Variants in SBF2 observed in about 807,000 individuals in gnomAD.
The protein encoded by SBF2 is SET binding factor 2.
In SBF2, 112 loss-of-function variants were observed where a neutral mutation model predicts 225.2. The ratio of observed to expected loss-of-function variants is 0.50; its 90% CI spans 0.43 to 0.58. The LOEUF is 0.58. Among genes scored for constraint, SBF2 ranks in the 20% least tolerant of loss-of-function variants. The pLI is 0.00. For synonymous variants in SBF2, 763 were observed against 773.3 expected (o/e 0.99, Z 0.22); for missense variants, 1,996 against 2,206.2 (o/e 0.90, Z 1.91).
intron 1 of SBF2, among the ~76,000 whole-genome samples, chr11:10,247,093 G>A (rs1265828265): frequency 1.3e-5 from 2 of 152,048 alleles, no homozygotes; most frequent in African/African-American, 4.8e-5. Context: ...AAAAAGGGAA[G>A]ACAGAAATCA....
chr11:10,169,541 T>C (rs555270708), intron 2 of SBF2, among the ~76,000 whole-genome samples: 24 of 152,316 alleles, frequency 1.6e-4, no homozygotes, highest in African/African-American at 5.1e-4. Context: ...GAATACTCCA[T>C]TGTGTATATT....
chr11:9,986,600 T>C (rs1947206078), intron 13 of SBF2, among the ~76,000 whole-genome samples: 1 of 152,110 alleles, frequency 6.6e-6, no homozygotes, highest in Non-Finnish European at 1.5e-5. Context: ...AAACTGGAGA[T>C]ATTACACCTG....
intron 1 of SBF2, among the ~76,000 whole-genome samples, chr11:10,290,981 G>T (rs1331284906): frequency 6.6e-6 from 1 of 152,158 alleles, no homozygotes; most frequent in Non-Finnish European, 1.5e-5. Context: ...CCAAGGCATG[G>T]AAAGTACAAG....
chr11:10,080,460 AG>A, intron 2 of SBF2, among the ~76,000 whole-genome samples: 1 of 152,132 alleles, frequency 6.6e-6, no homozygotes, highest in South Asian at 2.1e-4. Context: ...TAAAACTCAC[AG>A]GTCTTATAAA....
chr11:10,018,967 G>A (rs1948746902), intron 6 of SBF2, among the ~76,000 whole-genome samples: 1 of 152,068 alleles, frequency 6.6e-6, no homozygotes, highest in African/African-American at 2.4e-5. Flanking sequence ...CTTCTAGAAT[G>A]CCCTTATTTT....
intron 2 of SBF2, among the ~76,000 whole-genome samples, chr11:10,187,282 C>T (rs978277725): frequency 1.3e-5 from 2 of 150,696 alleles, no homozygotes; most frequent in African/African-American, 4.9e-5. Context: ...TCTCTCTCCT[C>T]TCTCTCTCTC....
intron 1 of SBF2, among the ~76,000 whole-genome samples, chr11:10,277,894 A>G (rs1963091552): frequency 6.6e-6 from 1 of 152,196 alleles, no homozygotes; most frequent in Admixed American, 6.5e-5. Context: ...TCAGACTTCT[A>G]GTCTCCAGAA....
intron 2 of SBF2, among the ~76,000 whole-genome samples, chr11:10,171,649 C>T (rs1956192525): frequency 6.6e-6 from 1 of 152,180 alleles, no homozygotes; most frequent in African/African-American, 2.4e-5. Context: ...ATACTAGTCT[C>T]ATAGAATAAG....
chr11:9,920,182 A>G (rs73420653), intron 16 of SBF2, among the ~76,000 whole-genome samples: 68 of 147,098 alleles, frequency 4.6e-4, no homozygotes, highest in African/African-American at 1.4e-3. Flanking sequence ...CAAATACTAT[A>G]TGTGTGTGTG....
At chr11:9,783,870 GTGT>G (rs1852194855) in intron 38 of SBF2, among the ~76,000 whole-genome samples, 1 of 152,172 alleles carries the variant, frequency 6.6e-6, no homozygotes, top group African/African-American at 2.4e-5. Flanking sequence ...CACAGAGGTG[GTGT>G]TCGATAAATG....
chr11:9,885,626 T>G (rs1190312237), intron 17 of SBF2, among the ~76,000 whole-genome samples: 1 of 152,174 alleles, frequency 6.6e-6, no homozygotes, highest in Non-Finnish European at 1.5e-5. Flanking sequence ...ACACTTTATA[T>G]TATATTCTAT....
intron 1 of SBF2, among the ~76,000 whole-genome samples, chr11:10,257,403 C>T (rs1378158545): frequency 2.0e-5 from 3 of 152,150 alleles, no homozygotes; most frequent in East Asian, 1.9e-4. Flanking sequence ...CAGTGGCTCA[C>T]GCCTGCAATC....
intron 2 of SBF2, among the ~76,000 whole-genome samples, chr11:10,056,366 T>C (rs1416932483): frequency 2.0e-5 from 3 of 152,238 alleles, no homozygotes; most frequent in East Asian, 1.9e-4. Flanking sequence ...ATTCTTCCTA[T>C]ATATGAGCAT....
chr11:10,221,014 C>T (rs1243125845), intron 1 of SBF2, among the ~76,000 whole-genome samples: 1 of 152,060 alleles, frequency 6.6e-6, no homozygotes. Flanking sequence ...GCTTCTATTC[C>T]TCTGTGTTCT....
At chr11:10,146,954 T>A (rs1954915644) in intron 2 of SBF2, among the ~76,000 whole-genome samples, 1 of 151,080 alleles carries the variant, frequency 6.6e-6, no homozygotes, top group Non-Finnish European at 1.5e-5. Flanking sequence ...AATGACCATA[T>A]GAAAAAAGCT....
chr11:9,928,216 G>C (rs1440531230), intron 16 of SBF2, among the ~76,000 whole-genome samples: 2 of 152,076 alleles, frequency 1.3e-5, no homozygotes, highest in African/African-American at 4.8e-5. Flanking sequence ...TATTTGAGAA[G>C]GACTTGTATT....
At chr11:9,922,166 A>G (rs1458937173) in intron 16 of SBF2, among the ~76,000 whole-genome samples, 1 of 152,134 alleles carries the variant, frequency 6.6e-6, no homozygotes, top group Non-Finnish European at 1.5e-5. Context: ...GGACTGGTTG[A>G]GCCCAGGAGA....
In SBF2 at chr11:10,286,857, T is replaced by C. The variant is rs568010727; in HGVS notation, c.55+7158A>G. 4.6e-5 allele frequency among the ~76,000 whole-genome samples: 7 copies of C among 152,334 alleles called. No individual in the cohort carries two copies. In the East Asian group the frequency reaches 1.3e-3, roughly 29 times the overall value. ...AGCCAATTAGAAAAGTTTGTCAGTC[T>C]CACACAAATAAGACACTTATGACCT... On this transcript the variant is annotated intron_variant, in intron 1 of 39. Transcript: ENST00000256190.
chr11:9,989,142 A>G (rs1251984841), intron 13 of SBF2, among the ~76,000 whole-genome samples: 1 of 152,088 alleles, frequency 6.6e-6, no homozygotes, highest in African/African-American at 2.4e-5. Flanking sequence ...CAGCATTTGC[A>G]GTAACCTGGA....
Sources: allele counts gnomAD v4.1 joint callset (sites outside exome capture counted in the v4.1 genomes callset), GRCh38; gene constraint gnomAD v4.1.1; transcripts MANE v1.5; gene names NCBI Gene and HGNC (gene_info 2026-07-23, HGNC 2026-07-21).